Variants in DST observed in about 807,000 individuals in gnomAD.
DST encodes the protein dystonin.
A neutral mutation model predicts 875.2 loss-of-function variants in DST; 253 were observed. That is an observed-to-expected ratio of 0.29 (90% CI 0.26 to 0.32). The LOEUF (loss-of-function observed/expected upper bound fraction) is 0.32, where lower values mean the gene tolerates loss of function less well. Among genes scored for constraint, DST ranks in the 10% least tolerant of loss-of-function variants. The pLI is 1.00. For missense variants in DST, 8,287 were observed against 9,111.6 expected, an observed-to-expected ratio of 0.91 and a Z score of 3.68; for synonymous variants, 3,124 against 3,197.1, an observed-to-expected ratio of 0.98 and a Z score of 0.77.
intron 10 of DST, among the ~76,000 whole-genome samples, chr6:56,659,615 T>C (rs892471356): frequency 2.6e-5 from 4 of 152,162 alleles, no homozygotes; most frequent in African/African-American, 9.7e-5. Flanking sequence ...TAGATTAGTA[T>C]GTGTTGAAGA....
At chr6:56,840,263 A>G (rs1355438957) in intron 4 of DST, among the ~76,000 whole-genome samples, 1 of 152,158 alleles carries the variant, frequency 6.6e-6, no homozygotes, top group Non-Finnish European at 1.5e-5. Context: ...CTTACACTTA[A>G]GAAAAAAAAT....
Position 56,607,874 on chromosome 6 carries a change from C to T in DST, c.6754G>A (p.Asp2252Asn), listed in dbSNP as rs371186550. 1.4e-4 allele frequency: 218 copies of T among 1,613,604 alleles called. No homozygotes were observed. In the African/African-American group the frequency reaches 2.5e-3, roughly 18 times the overall value. Residue 2252 changes from aspartate (D) to asparagine (N), a missense_variant, in exon 40 of 104, where the codon GAT (aspartate) becomes AAT (asparagine). Physicochemically the swap from Asp to Asn is conservative, Grantham distance 23. Coordinates refer to ENST00000680361, the MANE Select transcript of DST (RefSeq NM_001374736.1). The part of the protein sequence containing the change: ...DGNTAIKECL[D>N]VLSSSGVFLN... ...AATACACCAGATGAGCTTAAGACATCGAGACATTCTTTTATGGCTGTGTTT... is the reference window on the plus strand; with the variant it reads ...AATACACCAGATGAGCTTAAGACATTGAGACATTCTTTTATGGCTGTGTTT...
At chr6:56,876,285 A>G (rs780569872) in intron 3 of DST, among the ~76,000 whole-genome samples, 7 of 152,140 alleles carry the variant, frequency 4.6e-5, no homozygotes, top group Admixed American at 1.3e-4. Flanking sequence ...CTCAGCCACA[A>G]AAGTTCCTAG....
chr6:56,516,258 T>C (rs1266584279), intron 71 of DST, among the ~76,000 whole-genome samples: 1 of 152,028 alleles, frequency 6.6e-6, no homozygotes, highest in Non-Finnish European at 1.5e-5. Context: ...ACGGATTTAA[T>C]GGGGTAGTCA....
intron 4 of DST, among the ~76,000 whole-genome samples, chr6:56,784,828 GCT>G (rs2099701802): frequency 6.6e-6 from 1 of 152,174 alleles, no homozygotes; most frequent in African/African-American, 2.4e-5. Flanking sequence ...CAGTTTTTCT[GCT>G]CTGTTTTTTT....
chr6:56,711,216 T>G (rs1328372454), intron 5 of DST, among the ~76,000 whole-genome samples: 1 of 152,208 alleles, frequency 6.6e-6, no homozygotes, highest in African/African-American at 2.4e-5. Context: ...TAAAAACATT[T>G]ATTAATATAT....
intron 4 of DST, among the ~76,000 whole-genome samples, chr6:56,739,948 G>T (rs565166491): frequency 6.6e-6 from 1 of 152,062 alleles, no homozygotes; most frequent in South Asian, 2.1e-4. Flanking sequence ...TACAACCTCC[G>T]CCTCCCAGGT....
chr6:56,553,482 T>C lies in DST; in HGVS notation c.15310A>G (p.Ser5104Gly), dbSNP rs769674914. Reference sequence around the variant, plus strand: ...TGAGACTGAGCGGTCAAAGTTTTACTAAAGTCTTTATGATCTTTAATTAAT... The same window carrying C: ...TGAGACTGAGCGGTCAAAGTTTTACCAAAGTCTTTATGATCTTTAATTAAT... ...ESLIKDHKDFSKTLTAQSHMY... is the reference protein window; with the variant it reads ...ESLIKDHKDFGKTLTAQSHMY... Residue 5104 changes from serine to glycine, a missense_variant, in exon 61 of 104, where the codon AGT (serine) becomes GGT (glycine). By Grantham distance (56) the Ser-to-Gly change is moderately conservative. Around this residue, in one of 10 missense-constraint regions of DST, gnomAD observed 1,513 missense variants for 1,677.8 expected, o/e 0.90. Transcript: ENST00000680361. The C allele has an allele frequency of 3.1e-6, 5 of 1,613,426 alleles. No individual in the cohort carries two copies. Among genetic ancestry groups the C allele is most frequent in the African/African-American group, 1.3e-5 (1 of 74,876 alleles).
chr6:56,837,855 T>G (rs937963702), intron 4 of DST, among the ~76,000 whole-genome samples: 8 of 151,286 alleles, frequency 5.3e-5, no homozygotes, highest in African/African-American at 1.5e-4. Context: ...ATTATTTGCT[T>G]CTTCTTTTGG....
chr6:56,588,769 T>A (rs369649580), intron 49 of DST, among the ~76,000 whole-genome samples: 1 of 152,314 alleles, frequency 6.6e-6, no homozygotes, highest in African/African-American at 2.4e-5. Context: ...GAAACTGAGA[T>A]GACATACAGG....
chr6:56,467,162 G>A (rs2094615967), intron 98 of DST: 1 of 152,110 alleles, frequency 6.6e-6, no homozygotes, highest in Admixed American at 6.6e-5. Flanking sequence ...CAGCAGACAA[G>A]AAAGCAAAAT....
At chr6:56,904,735 G>A (rs1465492998) in intron 2 of DST, among the ~76,000 whole-genome samples, 3 of 152,056 alleles carry the variant, frequency 2.0e-5, no homozygotes, top group African/African-American at 7.2e-5. Flanking sequence ...TTTAACAGAG[G>A]AAATTTTAGC....
intron 34 of DST, among the ~76,000 whole-genome samples, chr6:56,626,553 T>C (rs2152750446): frequency 6.6e-6 from 1 of 152,264 alleles, no homozygotes; most frequent in East Asian, 1.9e-4. Context: ...CACTCTACAA[T>C]GTTCGCACAA....
rs1459476035 is a variant in DST, at chr6:56,605,829, A to T, written c.8799T>A (p.Thr2933=). The stretch of plus-strand genomic sequence containing the variant: ...CATGTGAAATACTTGCAGGGCCAAA[A>T]GTTTTTTCAGATTCAGTGTCTTTAA... ...PIIKDTESEK[T]FGPASISHDN... is the part of the protein sequence containing the mutation. Residue 2933 remains threonine (T), a synonymous_variant, in exon 40 of 104, where the codon ACT becomes ACA. Transcript: ENST00000680361. The T allele has an allele frequency of 1.2e-6, 2 of 1,612,422 alleles. No individual in the cohort carries two copies. Among genetic ancestry groups the T allele is most frequent in the South Asian group, 2.2e-5 (2 of 91,016 alleles).
chr6:56,876,881 T>C (rs1238756823), intron 3 of DST, among the ~76,000 whole-genome samples: 1 of 152,200 alleles, frequency 6.6e-6, no homozygotes, highest in Non-Finnish European at 1.5e-5. Flanking sequence ...TCCCATCTTA[T>C]GAAAGACCTT....
In DST at chr6:56,635,573, G is replaced by A. The variant is rs756440439; in HGVS notation, c.3186+16C>T. The A allele has an allele frequency of 6.8e-6, 11 of 1,613,388 alleles. No individual in the cohort carries two copies. Among genetic ancestry groups the A allele is most frequent in the Non-Finnish European group, 5.9e-6 (7 of 1,179,508 alleles). On this transcript the variant is annotated intron_variant, in intron 24 of 103. Transcript: ENST00000680361. ...CTTATGCATACTTATAAAATGCATAGGTTTTGTATTAGTACCATTGATTCC... is the reference window on the plus strand; with the variant it reads ...CTTATGCATACTTATAAAATGCATAAGTTTTGTATTAGTACCATTGATTCC...
At chr6:56,882,152 A>G (rs1782527595) in intron 3 of DST, among the ~76,000 whole-genome samples, 1 of 152,232 alleles carries the variant, frequency 6.6e-6, no homozygotes, top group South Asian at 2.1e-4. Flanking sequence ...ATCATAGTTC[A>G]AGAGAAATGG....
intron 64 of DST, 138 bp downstream of exon 64, chr6:56,532,206 A>G: frequency 1.3e-6 from 1 of 784,152 alleles, no homozygotes; most frequent in Admixed American, 2.7e-5. Context: ...GAGGCACTAC[A>G]ATCTTTGCTA....
intron 4 of DST, among the ~76,000 whole-genome samples, chr6:56,773,506 T>A (rs746682870): frequency 5.3e-5 from 8 of 152,070 alleles, no homozygotes; most frequent in Non-Finnish European, 1.0e-4. Flanking sequence ...TATGAGATAT[T>A]CAGGCAATGT....
Sources: allele counts gnomAD v4.1 joint callset (sites outside exome capture counted in the v4.1 genomes callset), GRCh38; gene constraint gnomAD v4.1.1; regional missense constraint gnomAD v4.1.1; transcripts MANE v1.5; gene names NCBI Gene and HGNC (gene_info 2026-07-23, HGNC 2026-07-21).